The following ATG4D variants were observed in gnomAD, a reference collection of about 807,000 sequenced individuals.
The protein encoded by ATG4D is autophagy related 4D cysteine peptidase.
Under a neutral mutation model 55.2 loss-of-function variants are expected in ATG4D, and 51 were observed. The ratio of observed to expected loss-of-function variants is 0.92; its 90% CI spans 0.74 to 1.17. ATG4D has a LOEUF of 1.17. ATG4D is among the 50% of genes most tolerant of loss of function. The probability of loss-of-function intolerance (pLI) is 0.00; values close to 1 mark genes in which losing one functional copy is unlikely to be tolerated. For missense variants in ATG4D, 635 were observed against 649.6 expected, an observed-to-expected ratio of 0.98 and a Z score of 0.25; for synonymous variants, 268 against 266.2, an observed-to-expected ratio of 1.01 and a Z score of -0.07.
intron 9 of ATG4D, 51 bp downstream of exon 9, chr19:10,552,375 T>G (rs776143172): frequency 1.0e-5 from 16 of 1,563,378 alleles, no homozygotes; most frequent in Admixed American, 5.3e-5. Context: ...TGGGCAGGGC[T>G]GGGGGTGAAA....
At chr19:10,552,349 G>A (rs1266046597) in intron 9 of ATG4D, 25 bp downstream of exon 9, 1 of 1,601,062 alleles carries the variant, frequency 6.2e-7, no homozygotes, top group Non-Finnish European at 8.5e-7. Flanking sequence ...AGCTGGAGTG[G>A]GGTGAGGGGG....
At chr19:10,544,607 T>C (rs1305704223) in intron 1 of ATG4D, 176 bp from the exon 2 acceptor site, 1 of 1,270,274 alleles carries the variant, frequency 7.9e-7, no homozygotes, top group African/African-American at 1.5e-5. Context: ...TCATCCTGAA[T>C]TGATGGTGGA....
intron 9 of ATG4D, 90 bp from the exon 10 acceptor site, chr19:10,552,795 G>T: frequency 1.5e-6 from 2 of 1,356,496 alleles, no homozygotes; most frequent in South Asian, 1.3e-5. Context: ...CTGGAGAGGT[G>T]GTCCTGAGAA....
chr19:10,543,957 C>G lies in ATG4D; in HGVS notation c.-134C>G. On this transcript the variant is annotated 5_prime_UTR_variant, in exon 1 of 10. Transcript: ENST00000309469. ...GCGGTAGCAGCGGCGGCGGCTGTTG[C>G]CTGGCCCGGTACCCTGGGGACGGGG... 1 of 516,386 alleles carries G rather than the reference C, an allele frequency of 1.9e-6. No homozygotes were observed. Among genetic ancestry groups the G allele is most frequent in the Non-Finnish European group, 2.9e-6 (1 of 339,532 alleles). 32.0% of individuals were successfully genotyped at this position (516,386 alleles called of 1,614,324 possible).
intron 6 of ATG4D, among the ~76,000 whole-genome samples, chr19:10,549,337 G>T (rs561911985): frequency 6.6e-6 from 1 of 152,278 alleles, no homozygotes; most frequent in East Asian, 1.9e-4. Flanking sequence ...TGGTCAGGCT[G>T]ATCTTGAACT....
At chr19:10,549,268 CAT>C (rs1916147351) in intron 6 of ATG4D, among the ~76,000 whole-genome samples, 1 of 152,094 alleles carries the variant, frequency 6.6e-6, no homozygotes, top group Admixed American at 6.6e-5. Flanking sequence ...GGATTACAGG[CAT>C]GCGCCACCAC....
Position 10,552,320 on chromosome 19 carries a change from C to A in ATG4D, c.1238C>A (p.Thr413Asn), listed in dbSNP as rs1453550103. Residue 413 changes from threonine to asparagine, a missense_variant, in exon 9 of 10, where the codon ACC (threonine) becomes AAC (asparagine). Thr to Asn is a moderately conservative substitution (Grantham distance 65). Transcript: ENST00000309469. ...TTTGAGACACTCTGCTCAGAGCTGA[C>A]CAGGGTGAGCAAGAGGAAAGCTGGA... ...KEFETLCSEL[T>N]RVLSSSSATE... The A allele has an allele frequency of 2.5e-6, 4 of 1,611,266 alleles. No homozygotes were observed. Among genetic ancestry groups the A allele is most frequent in the Non-Finnish European group, 3.4e-6 (4 of 1,179,186 alleles).
At chr19:10,551,728 A>G (rs537046270) in intron 6 of ATG4D, among the ~76,000 whole-genome samples, 169 bp from the exon 7 acceptor site, 15 of 151,406 alleles carry the variant, frequency 9.9e-5, no homozygotes, top group Admixed American at 7.2e-4. Context: ...AATTCATGTA[A>G]TCATCTTCCT....
chr19:10,548,024 TTTTTTTTTTTTTTTTTTTTTTTTTG>T (rs1436733897), intron 5 of ATG4D, among the ~76,000 whole-genome samples: 2 of 52,788 alleles, frequency 3.8e-5, no homozygotes, highest in Admixed American at 1.8e-4. Flanking sequence ...TTTTTTTTTT[TTTTTTTTTTTTTTTTTTTTTTTTTG>T]AGACAGAGTC....
chr19:10,544,128 G>A lies in ATG4D; in HGVS notation c.38G>A (p.Ser13Asn). 2 of 1,243,436 alleles carry A rather than the reference G, an allele frequency of 1.6e-6. No homozygotes were observed. Among genetic ancestry groups the A allele is most frequent in the African/African-American group, 3.1e-5 (2 of 64,354 alleles). The allele number at this position is 1,243,436 out of a possible 1,614,324, so 77.0% of individuals were successfully genotyped here. ...TCGCCGGCCGCCGCGCAGTACCGGA[G>A]CAGCAGCCCGGAGGACGCGCGCCGC... ...SVSPAAAQYR[S>N]SSPEDARRRP... The change falls in exon 1 of 10, where the codon AGC becomes AAC. Residue 13 changes from serine (S) to asparagine (N), a missense_variant. Physicochemically the swap from Ser to Asn is conservative, Grantham distance 46. Coordinates refer to ENST00000309469, the MANE Select transcript of ATG4D (RefSeq NM_032885.6).
Position 10,547,004 on chromosome 19 carries a change from C to T in ATG4D, c.659C>T (p.Ala220Val), listed in dbSNP as rs774056462. Residue 220 changes from alanine (A) to valine (V), a missense_variant, in exon 4 of 10, where the codon GCC becomes GTC. Physicochemically the swap from Ala to Val is moderately conservative, Grantham distance 64. Coordinates refer to ENST00000309469, the MANE Select transcript of ATG4D (RefSeq NM_032885.6). Reference protein sequence around the residue: ...RRHRQIVSWFADHPRAPFGLH... With the variant: ...RRHRQIVSWFVDHPRAPFGLH... ...CACCGGCAGATTGTGTCCTGGTTCG[C>T]CGACCACCCCCGGGCCCCCTTTGGC... 3 of 1,587,760 alleles carry T rather than the reference C, an allele frequency of 1.9e-6. No individual in the cohort carries two copies. The highest frequency in any genetic ancestry group is 2.3e-5 in the South Asian group (2 of 88,594).
chr19:10,544,601 C>T (rs1915972150), intron 1 of ATG4D, 182 bp from the exon 2 acceptor site: 3 of 1,251,750 alleles, frequency 2.4e-6, no homozygotes. Flanking sequence ...CTTCCTTCAT[C>T]CTGAATTGAT....
rs537521384 is a variant in ATG4D at position 10,543,911 on chromosome 19, C to A, written c.-180C>A. On this transcript the variant is annotated 5_prime_UTR_variant, in exon 1 of 10. Coordinates refer to ENST00000309469, the MANE Select transcript of ATG4D (RefSeq NM_032885.6). ...CGCCCACCGTCATCCGGGGTCCTGG[C>A]CCGCTAAGATGGCGATGGCTGCGGT... 5.0e-6 allele frequency: 2 copies of A among 396,796 alleles called. No individual in the cohort carries two copies. Among genetic ancestry groups the A allele is most frequent in the Admixed American group, 9.1e-5 (2 of 21,954 alleles). 24.6% of individuals were successfully genotyped at this position (396,796 alleles called of 1,614,324 possible).
At position 10,543,941 on chromosome 19, in the gene ATG4D, G is replaced by T. The variant is rs919622432; in HGVS notation, c.-150G>T. Reference sequence around the variant, plus strand: ...TAAGATGGCGATGGCTGCGGTAGCAGCGGCGGCGGCTGTTGCCTGGCCCGG... The same window carrying T: ...TAAGATGGCGATGGCTGCGGTAGCATCGGCGGCGGCTGTTGCCTGGCCCGG... On this transcript the variant is annotated 5_prime_UTR_variant, in exon 1 of 10. Transcript: ENST00000309469. The T allele has an allele frequency of 1.1e-5, 5 of 445,764 alleles. No homozygotes were observed. Among genetic ancestry groups the T allele is most frequent in the Non-Finnish European group, 1.1e-5 (3 of 275,132 alleles). 27.6% of individuals were successfully genotyped at this position (445,764 alleles called of 1,614,324 possible).
chr19:10,548,752 T>C (rs964420490), intron 5 of ATG4D, 152 bp from the exon 6 acceptor site: 18 of 1,172,392 alleles, frequency 1.5e-5, no homozygotes, highest in Non-Finnish European at 1.9e-5. Context: ...CTGGGGGTGT[T>C]TGGGGGGCAC....
At position 10,549,555 on chromosome 19, in the gene ATG4D, C is replaced by G. The variant is rs374688097; in HGVS notation, c.966+521C>G. Among the ~76,000 whole-genome samples the G allele has an allele frequency of 2.5e-4, 38 of 152,128 alleles. No individual in the cohort carries two copies. In the South Asian group the frequency reaches 7.7e-3, roughly 31 times the overall value. On this transcript the variant is annotated intron_variant, in intron 6 of 9. Coordinates refer to ENST00000309469, the MANE Select transcript of ATG4D (RefSeq NM_032885.6). ...GCCTCAGTCTCCCAGGTAGCTGGGA[C>G]TACAGGCGTGTGCCACCACGCCCGG... is the stretch of plus-strand genomic sequence containing the variant.
rs1916140549 is a variant in ATG4D, at chr19:10,549,090, A to G, written c.966+56A>G. On this transcript the variant is annotated intron_variant, in intron 6 of 9. Transcript: ENST00000309469. ...ACCTGGGAGCCCTCCAGACTTGTTT[A>G]GTTTGTGTTAGGGCTGCTGTTTGTG... The G allele has an allele frequency of 5.6e-6, 9 of 1,602,216 alleles. No homozygotes were observed. The South Asian group carries it at 1.0e-4, about 18-fold the overall frequency.
chr19:10,545,822 G>A (rs139835484), intron 3 of ATG4D, among the ~76,000 whole-genome samples: 2,356 of 151,868 alleles, frequency 0.016, 58 homozygotes, highest in African/African-American at 0.053. Flanking sequence ...GCCGAGATCC[G>A]TGCCACTGCA....
In ATG4D at chr19:10,551,708, A is replaced by AG. The variant is rs1203812707; in HGVS notation, c.967-189_967-188insG. Among the ~76,000 whole-genome samples, 11 of 151,492 alleles carry AG rather than the reference A, an allele frequency of 7.3e-5. No homozygotes were observed. The South Asian group carries it at 2.3e-3, about 32-fold the overall frequency. Reference sequence around the variant, plus strand: ...GTGAGACTCCGTCTCAAAAAAAAAAAAAAAAAAAAAATTCATGTAATCATC... The same window carrying AG: ...GTGAGACTCCGTCTCAAAAAAAAAAAGAAAAAAAAAAATTCATGTAATCATC... On this transcript the variant is annotated intron_variant, in intron 6 of 9. Transcript: ENST00000309469.
Sources: gnomAD v4.1 joint callset for allele counts (sites outside exome capture counted in the v4.1 genomes callset) on GRCh38, gnomAD v4.1.1 for gene constraint, MANE v1.5 for transcripts, NCBI Gene and HGNC (gene_info 2026-07-23, HGNC 2026-07-21) for gene names.